Variants in GOLGA5 observed in about 807,000 individuals in gnomAD.
The protein encoded by GOLGA5 is golgin subfamily A member 5.
Under a neutral mutation model 93.5 loss-of-function variants are expected in GOLGA5, and 50 were observed. That is an observed-to-expected ratio of 0.53 (90% CI 0.43 to 0.68). The LOEUF (loss-of-function observed/expected upper bound fraction) is 0.68, where lower values mean the gene tolerates loss of function less well. Among genes scored for constraint, GOLGA5 ranks in the 30% least tolerant of loss-of-function variants. The pLI, the probability that GOLGA5 is intolerant of heterozygous loss-of-function variation, is 0.00. For missense variants in GOLGA5, 760 were observed against 856.4 expected (o/e 0.89, Z 1.40); for synonymous variants, 312 against 304.5 (o/e 1.02, Z -0.26).
At chr14:92,809,913 G>T (rs1446918066) in intron 4 of GOLGA5, among the ~76,000 whole-genome samples, 2 of 152,198 alleles carry the variant, frequency 1.3e-5, no homozygotes, top group Admixed American at 1.3e-4. Context: ...AGCTGAGATT[G>T]TGCCATTGCA....
intron 2 of GOLGA5, among the ~76,000 whole-genome samples, chr14:92,804,255 G>A (rs1019318479): frequency 7.9e-5 from 12 of 151,478 alleles, no homozygotes; most frequent in East Asian, 1.9e-4. Context: ...TTGTAGAGAC[G>A]AGTTCTCACT....
chr14:92,802,770 A>G (rs915290381), intron 2 of GOLGA5, among the ~76,000 whole-genome samples: 1 of 151,522 alleles, frequency 6.6e-6, no homozygotes, highest in African/African-American at 2.4e-5. Context: ...TTTATTTTTA[A>G]TAGAGATGGG....
chr14:92,815,557 C>T (rs1885184516), intron 6 of GOLGA5, among the ~76,000 whole-genome samples: 4 of 152,060 alleles, frequency 2.6e-5, no homozygotes, highest in Admixed American at 2.0e-4. Flanking sequence ...TCTTGTTTGG[C>T]CAGGTGTGAT....
intron 9 of GOLGA5, among the ~76,000 whole-genome samples, chr14:92,832,739 C>T (rs543331333): frequency 6.6e-6 from 1 of 152,132 alleles, no homozygotes. Context: ...GGATTGTGTC[C>T]TCTAAACCCA....
At chr14:92,806,990 G>C (rs1266083534) in intron 3 of GOLGA5, 27 bp downstream of exon 3, 8 of 1,417,460 alleles carry the variant, frequency 5.6e-6, no homozygotes, top group Admixed American at 3.4e-5. Flanking sequence ...TTCAGGATTA[G>C]GAATTTAACT....
chr14:92,816,427 A>G lies in GOLGA5; in HGVS notation c.1491+6A>G, dbSNP rs1256946683. On this transcript the variant is annotated splice_donor_region_variant and intron_variant, in intron 7 of 12. Coordinates refer to ENST00000163416, the MANE Select transcript of GOLGA5 (RefSeq NM_005113.4). Reference sequence around the variant, plus strand: ...AGCTCAGATCCGAATTACAGGTAAGATTCATGGTGGTTCAGCTTAGTAGAC... The same window carrying G: ...AGCTCAGATCCGAATTACAGGTAAGGTTCATGGTGGTTCAGCTTAGTAGAC... 2 of 1,613,006 alleles carry G rather than the reference A, an allele frequency of 1.2e-6. No homozygotes were observed. The highest frequency in any genetic ancestry group is 3.3e-5 in the Admixed American group (2 of 59,986).
chr14:92,794,820 C>G (rs927668973), intron 1 of GOLGA5, among the ~76,000 whole-genome samples: 1 of 152,190 alleles, frequency 6.6e-6, no homozygotes. Flanking sequence ...CAGCCTCCCT[C>G]CCTCTGTGCT....
chr14:92,807,466 C>T (rs968193271), intron 3 of GOLGA5, among the ~76,000 whole-genome samples: 2 of 152,136 alleles, frequency 1.3e-5, no homozygotes, highest in Non-Finnish European at 2.9e-5. Flanking sequence ...CTCCCACCAA[C>T]CCAAAACATA....
At chr14:92,809,243 C>CT (rs541829066) in intron 3 of GOLGA5, 57 bp from the exon 4 acceptor site, 830 of 1,192,848 alleles carry the variant, frequency 7.0e-4, no homozygotes, top group Non-Finnish European at 9.0e-4. Context: ...ACTGTACGTG[C>CT]TCTGAGAAAA....
At chr14:92,798,939 C>CA (rs1402100081) in intron 2 of GOLGA5, among the ~76,000 whole-genome samples, 7 of 152,094 alleles carry the variant, frequency 4.6e-5, no homozygotes, top group African/African-American at 1.7e-4. Context: ...AGAAAAAAGG[C>CA]AAAAAACTTG....
Position 92,809,401 on chromosome 14 carries a change from G to A in GOLGA5, c.874G>A (p.Glu292Lys). Residue 292 changes from glutamate (E) to lysine (K), a missense_variant, in exon 4 of 13, where the codon GAA becomes AAA. Coordinates refer to ENST00000163416, the MANE Select transcript of GOLGA5 (RefSeq NM_005113.4). The stretch of plus-strand genomic sequence containing the variant: ...CCGAGCCCAAGTAGATGACCTGACT[G>A]AAGCTGTGGCTGCAAAGGATTCCCA... ...GLRAQVDDLT[E>K]AVAAKDSQLA... 6.2e-7 allele frequency: 1 copy of A among 1,613,584 alleles called. No homozygotes were observed. Among genetic ancestry groups the A allele is most frequent in the South Asian group, 1.1e-5 (1 of 91,066 alleles).
At chr14:92,837,573 G>GT (rs1259077303) in intron 12 of GOLGA5, 124 bp downstream of exon 12, 66 of 622,990 alleles carry the variant, frequency 1.1e-4, no homozygotes, top group Middle Eastern at 4.2e-4. Flanking sequence ...ATTTTTTTTT[G>GT]TTTTTTTTGA....
At chr14:92,826,247 G>A (rs1182464674) in intron 9 of GOLGA5, among the ~76,000 whole-genome samples, 3 of 149,174 alleles carry the variant, frequency 2.0e-5, no homozygotes, top group African/African-American at 7.4e-5. Flanking sequence ...GAATTAAGTT[G>A]ACTTGTACAA....
intron 8 of GOLGA5, 139 bp downstream of exon 8, chr14:92,819,975 T>A: frequency 2.7e-6 from 2 of 740,540 alleles, no homozygotes; most frequent in Non-Finnish European, 4.4e-6. Flanking sequence ...CCTTCCCATC[T>A]CATCTGAAGG....
chr14:92,796,786 A>G (rs1402044291), intron 1 of GOLGA5, among the ~76,000 whole-genome samples: 1 of 93,736 alleles, frequency 1.1e-5, no homozygotes, highest in African/African-American at 4.8e-5. Context: ...CCGGCTAACA[A>G]GGTGAAACCC....
Position 92,810,272 on chromosome 14 carries a change from T to C in GOLGA5, c.1011T>C (p.Ser337=). 6.2e-7 allele frequency: 1 copy of C among 1,602,634 alleles called. No homozygotes were observed. The highest frequency in any genetic ancestry group is 1.1e-5 in the South Asian group (1 of 89,650). The part of the protein sequence containing the change: ...SEKSRIMQDQ[S]EGNSLQNQAL... ...CCTTTAGAATAATGCAGGATCAAAGTGAAGGTAACAGCCTGCAGAATCAAG... is the reference window on the plus strand; with the variant it reads ...CCTTTAGAATAATGCAGGATCAAAGCGAAGGTAACAGCCTGCAGAATCAAG... Residue 337 remains serine (S), a synonymous_variant, in exon 5 of 13, where the codon AGT becomes AGC. Transcript: ENST00000163416.
In GOLGA5 at chr14:92,833,102, G is replaced by A. The variant is rs777507729; in HGVS notation, c.1720-20G>A. 2.9e-5 allele frequency: 39 copies of A among 1,339,768 alleles called. 1 individual carries two copies. The South Asian group carries it at 4.3e-4, about 15-fold the overall frequency. The allele number at this position is 1,339,768 out of a possible 1,614,324, so 83.0% of individuals were successfully genotyped here. On this transcript the variant is annotated intron_variant, in intron 9 of 12. Coordinates refer to ENST00000163416, the MANE Select transcript of GOLGA5 (RefSeq NM_005113.4). ...GACTTTCATTTTATGTAAGAATTTT[G>A]TGAACACTTTCTCTTTCAGCTTACC...
chr14:92,816,355 A>G lies in GOLGA5; in HGVS notation c.1425A>G (p.Lys475=). The G allele has an allele frequency of 1.2e-6, 2 of 1,614,012 alleles. No homozygotes were observed. Among genetic ancestry groups the G allele is most frequent in the Non-Finnish European group, 1.7e-6 (2 of 1,179,876 alleles). ...AGCTGGAAGAACTTCGGCATGAGAA[A>G]GAGATGCAGAGGGAGGAAATACAGA... is the stretch of plus-strand genomic sequence containing the variant. ...SMELEELRHE[K]EMQREEIQKL... Residue 475 remains lysine (K), a synonymous_variant, in exon 7 of 13, where the codon AAA becomes AAG. Coordinates refer to ENST00000163416, the MANE Select transcript of GOLGA5 (RefSeq NM_005113.4).
Position 92,816,398 on chromosome 14 carries a change from C to T in GOLGA5, c.1468C>T (p.His490Tyr), listed in dbSNP as rs1885206222. The T allele has an allele frequency of 1.2e-6, 2 of 1,613,822 alleles. No individual in the cohort carries two copies. Among genetic ancestry groups the T allele is most frequent in the South Asian group, 2.2e-5 (2 of 91,066 alleles). Reference protein sequence around the residue: ...EEIQKLMGQIHQLRSELQDME... With the variant: ...EEIQKLMGQIYQLRSELQDME... The stretch of plus-strand genomic sequence containing the variant: ...AATACAGAAGCTGATGGGCCAGATA[C>T]ATCAGCTCAGATCCGAATTACAGGT... The change falls in exon 7 of 13, where the codon CAT (histidine) becomes TAT (tyrosine). Residue 490 changes from histidine (H) to tyrosine (Y), a missense_variant. Coordinates refer to ENST00000163416, the MANE Select transcript of GOLGA5 (RefSeq NM_005113.4).
Sources: gnomAD v4.1 joint callset for allele counts (sites outside exome capture counted in the v4.1 genomes callset) on GRCh38, gnomAD v4.1.1 for gene constraint, MANE v1.5 for transcripts, NCBI Gene and HGNC (gene_info 2026-07-23, HGNC 2026-07-21) for gene names.